Variants in CACNB4 observed in about 807,000 individuals in gnomAD.
CACNB4 encodes the protein calcium voltage-gated channel auxiliary subunit beta 4, also known as voltage-dependent L-type calcium channel subunit beta-4.
CACNB4 carries 32 observed loss-of-function variants against 71.2 expected under a neutral mutation model. That is an observed-to-expected ratio of 0.45 (90% confidence interval 0.34 to 0.60). The LOEUF (loss-of-function observed/expected upper bound fraction) is 0.60, where lower values mean the gene tolerates loss of function less well. Ranked by LOEUF, CACNB4 falls within the 20% of genes least tolerant of loss-of-function variation. The probability of loss-of-function intolerance (pLI) is 0.01; values close to 1 mark genes in which losing one functional copy is unlikely to be tolerated. For synonymous variants in CACNB4, 231 were observed against 236.9 expected (o/e 0.97, Z 0.23); for missense variants, 464 against 647.9 (o/e 0.72, Z 3.08).
chr2:152,094,697 T>C (rs1688170025), intron 2 of CACNB4, among the ~76,000 whole-genome samples: 2 of 152,248 alleles, frequency 1.3e-5, no homozygotes, highest in Admixed American at 1.3e-4. Context: ...TAAAAATCTT[T>C]GAGTACAGGG....
At chr2:151,968,118 T>C (rs1199259041) in intron 2 of CACNB4, 1 of 152,240 alleles carries the variant, frequency 6.6e-6, no homozygotes, top group Non-Finnish European at 1.5e-5. Flanking sequence ...GTTGTCATTA[T>C]TTTATATGAA....
intron 2 of CACNB4, among the ~76,000 whole-genome samples, chr2:151,917,522 T>G (rs2151558231): frequency 6.6e-6 from 1 of 152,202 alleles, no homozygotes; most frequent in African/African-American, 2.4e-5. Context: ...ACAGTGAGGA[T>G]GATGATGAAT....
chr2:152,019,285 A>G (rs1683523713), intron 2 of CACNB4, among the ~76,000 whole-genome samples: 1 of 152,356 alleles, frequency 6.6e-6, no homozygotes. Flanking sequence ...GATTACCTCT[A>G]TGCCTCAGGA....
At chr2:151,965,593 A>ATATTGTATTTGTATATCACAAAAC (rs1173507652) in intron 2 of CACNB4, among the ~76,000 whole-genome samples, 2 of 152,254 alleles carry the variant, frequency 1.3e-5, no homozygotes, top group African/African-American at 4.8e-5. Flanking sequence ...ACAATAATTT[A>ATATTGTATTTGTATATCACAAAAC]AAATATTTTT....
At chr2:152,006,573 G>A (rs191382059) in intron 2 of CACNB4, among the ~76,000 whole-genome samples, 1,748 of 151,740 alleles carry the variant, frequency 0.012, 24 homozygotes, top group Non-Finnish European at 0.014. Flanking sequence ...GCTAATTTTT[G>A]TACTTTTTAG....
In CACNB4 at chr2:151,837,015, G is replaced by A. The variant is rs888770506; in HGVS notation, c.*2104C>T. Reference sequence around the variant, plus strand: ...GGCTAATGTTTTCTTTCTCATGCAAGTATGTGCTGTACATGTAATAAATAT... The same window carrying A: ...GGCTAATGTTTTCTTTCTCATGCAAATATGTGCTGTACATGTAATAAATAT... On this transcript the variant is annotated 3_prime_UTR_variant, in exon 14 of 14. Coordinates refer to ENST00000539935, the MANE Select transcript of CACNB4 (RefSeq NM_000726.5). 6.6e-6 allele frequency: 1 copy of A among 151,976 alleles called. No individual in the cohort carries two copies. Among genetic ancestry groups the A allele is most frequent in the African/African-American group, 2.4e-5 (1 of 41,438 alleles). 9.4% of individuals were successfully genotyped at this position (151,976 alleles called of 1,614,324 possible). A position where few individuals can be genotyped will look rare whatever the true frequency, so the allele number is the denominator to read the frequency against.
At position 152,098,594 on chromosome 2, in the gene CACNB4, T is replaced by A; in HGVS notation, c.64-181A>T. 6 of 515,636 alleles carry A rather than the reference T, an allele frequency of 1.2e-5. No homozygotes were observed. The highest frequency in any genetic ancestry group is 2.1e-5 in the Non-Finnish European group (6 of 279,690). The allele number at this position is 515,636 out of a possible 1,614,324, so 31.9% of individuals were successfully genotyped here. ...CACCCCCACCCACCCACTGCAAGCC[T>A]CGACTGCTGAAAAGATGCTCGAGAA... On this transcript the variant is annotated intron_variant, in intron 1 of 13. Coordinates refer to ENST00000539935, the MANE Select transcript of CACNB4 (RefSeq NM_000726.5). This position sits in a 1 kb window ranked among gnomAD's most constrained non-coding sequence, Gnocchi z 5.3.
chr2:151,924,054 G>T (rs1004860149), intron 2 of CACNB4, among the ~76,000 whole-genome samples: 1 of 144,186 alleles, frequency 6.9e-6, no homozygotes, highest in Non-Finnish European at 1.5e-5. Context: ...ACATACGTGC[G>T]TGTAATCTAT....
At position 152,098,923 on chromosome 2, in the gene CACNB4, G is replaced by C; in HGVS notation, c.63+26C>G. The C allele has an allele frequency of 7.2e-7, 1 of 1,397,258 alleles. No individual in the cohort carries two copies. Among genetic ancestry groups the C allele is most frequent in the Non-Finnish European group, 9.6e-7 (1 of 1,039,786 alleles). 86.6% of individuals were successfully genotyped at this position (1,397,258 alleles called of 1,614,324 possible). On this transcript the variant is annotated intron_variant, in intron 1 of 13. Transcript: ENST00000539935. This position sits in a 1 kb window ranked among gnomAD's most constrained non-coding sequence, Gnocchi z 5.3. ...GTGTGAGGAAGGAAGAGGAGGAAGA[G>C]GAGAAGGGGGAGGAGGGGGCGGTAC...
chr2:151,974,101 G>A (rs371840237), intron 2 of CACNB4: 1 of 319,068 alleles, frequency 3.1e-6, no homozygotes. Flanking sequence ...TTCCTGTTTC[G>A]CCTGTATTGT....
rs1682023088 is a variant in CACNB4, at chr2:151,996,030, T to C, written c.147+102300A>G. Among the ~76,000 whole-genome samples, 4 of 152,368 alleles carry C rather than the reference T, an allele frequency of 2.6e-5. No individual in the cohort carries two copies. In the South Asian group the frequency reaches 8.3e-4, roughly 32 times the overall value. On this transcript the variant is annotated intron_variant, in intron 2 of 13. Coordinates refer to ENST00000539935, the MANE Select transcript of CACNB4 (RefSeq NM_000726.5). Reference sequence around the variant, plus strand: ...TCCTTATGAAGAAGAAAGGCTGGCTTCTGTTTGTTGTTATTTTTCCTATAT... The same window carrying C: ...TCCTTATGAAGAAGAAAGGCTGGCTCCTGTTTGTTGTTATTTTTCCTATAT...
At chr2:151,874,329 A>G (rs181051420) in intron 5 of CACNB4, among the ~76,000 whole-genome samples, 269 of 152,140 alleles carry the variant, frequency 1.8e-3, no homozygotes, top group African/African-American at 6.2e-3. Flanking sequence ...TTAGCCAGGC[A>G]CGATGGTGCG....
At chr2:151,923,006 T>C (rs1230088183) in intron 2 of CACNB4, among the ~76,000 whole-genome samples, 3 of 152,226 alleles carry the variant, frequency 2.0e-5, no homozygotes, top group African/African-American at 7.2e-5. Flanking sequence ...CCCTGCCCAG[T>C]TGTGCAATAC....
intron 2 of CACNB4, among the ~76,000 whole-genome samples, chr2:152,029,338 C>CA (rs1260603439): frequency 1.3e-5 from 2 of 151,432 alleles, no homozygotes; most frequent in Non-Finnish European, 2.9e-5. Context: ...ACTAAAAATA[C>CA]AAAAAATTAG....
At chr2:151,957,405 A>T (rs2099868588) in intron 2 of CACNB4, among the ~76,000 whole-genome samples, 1 of 152,050 alleles carries the variant, frequency 6.6e-6, no homozygotes, top group South Asian at 2.1e-4. Context: ...ATTTCAATTC[A>T]TTCCAACAAC....
At chr2:152,076,454 G>A (rs1359224098) in intron 2 of CACNB4, among the ~76,000 whole-genome samples, 1 of 151,652 alleles carries the variant, frequency 6.6e-6, no homozygotes, top group South Asian at 2.1e-4. Context: ...GAGCTACTGC[G>A]CCTGGCCGCT....
intron 2 of CACNB4, among the ~76,000 whole-genome samples, chr2:152,006,109 G>T (rs1451537442): frequency 6.6e-6 from 1 of 152,142 alleles, no homozygotes; most frequent in East Asian, 1.9e-4. Context: ...TATACCATGT[G>T]GTCTTGCATA....
At chr2:152,001,890 G>A (rs1043508901) in intron 2 of CACNB4, among the ~76,000 whole-genome samples, 4 of 152,180 alleles carry the variant, frequency 2.6e-5, no homozygotes, top group African/African-American at 9.7e-5. Context: ...TCATCAGGAG[G>A]ATGCCAATGC....
chr2:152,014,886 A>G (rs1241602625), intron 2 of CACNB4, among the ~76,000 whole-genome samples: 2 of 152,234 alleles, frequency 1.3e-5, no homozygotes, highest in Non-Finnish European at 2.9e-5. Flanking sequence ...AGAAATTTAA[A>G]TGTTTAACTT....
Sources: allele counts gnomAD v4.1 joint callset (sites outside exome capture counted in the v4.1 genomes callset), GRCh38; gene constraint gnomAD v4.1.1; non-coding constraint Gnocchi (gnomAD v3.1); transcripts MANE v1.5; gene names NCBI Gene and HGNC (gene_info 2026-07-23, HGNC 2026-07-21).